CRIM1: variants seen among roughly 807,000 people sequenced by gnomAD.
CRIM1 encodes the protein cysteine rich transmembrane BMP regulator 1, also known as cysteine-rich motor neuron 1 protein.
CRIM1 carries 32 observed loss-of-function variants against 116.4 expected under a neutral mutation model. That is an observed-to-expected ratio of 0.27 (90% CI 0.21 to 0.37). CRIM1 has a LOEUF of 0.37. CRIM1 is among the 10% of genes least tolerant of loss of function. The probability of loss-of-function intolerance (pLI) is 1.00; values close to 1 mark genes in which losing one functional copy is unlikely to be tolerated. For missense variants in CRIM1, 1,331 were observed against 1,354.8 expected, an observed-to-expected ratio of 0.98 and a Z score of 0.28; for synonymous variants, 590 against 509.2, an observed-to-expected ratio of 1.16 and a Z score of -2.13.
intron 11 of CRIM1, among the ~76,000 whole-genome samples, chr2:36,516,131 T>A (rs938264679): frequency 6.6e-6 from 1 of 152,238 alleles, no homozygotes; most frequent in Non-Finnish European, 1.5e-5. Context: ...GTTGTTACCC[T>A]CTTAACTGGA....
intron 7 of CRIM1, among the ~76,000 whole-genome samples, chr2:36,480,888 GT>G (rs1324461540): frequency 6.6e-6 from 1 of 151,854 alleles, no homozygotes; most frequent in Non-Finnish European, 1.5e-5. Flanking sequence ...CAGCATTTCA[GT>G]GCTGAAAAAA....
intron 1 of CRIM1, among the ~76,000 whole-genome samples, chr2:36,382,604 C>T (rs1458666699): frequency 6.6e-6 from 1 of 152,198 alleles, no homozygotes; most frequent in Non-Finnish European, 1.5e-5. Flanking sequence ...TTGGGCCTGC[C>T]AGCCCAGGTG....
At chr2:36,415,041 G>A (rs1572680591) in intron 2 of CRIM1, among the ~76,000 whole-genome samples, 2 of 152,274 alleles carry the variant, frequency 1.3e-5, no homozygotes, top group East Asian at 3.9e-4. Context: ...GCCCAGCCAG[G>A]AGACTGCTAT....
At chr2:36,413,873 A>G (rs781203613) in intron 2 of CRIM1, among the ~76,000 whole-genome samples, 1 of 152,172 alleles carries the variant, frequency 6.6e-6, no homozygotes, top group Non-Finnish European at 1.5e-5. Flanking sequence ...TCATATGTCA[A>G]CCATATTGTC....
chr2:36,520,186 T>C (rs1665289785), intron 12 of CRIM1, among the ~76,000 whole-genome samples: 2 of 152,342 alleles, frequency 1.3e-5, no homozygotes, highest in East Asian at 1.9e-4. Flanking sequence ...CAGCGTATCC[T>C]GATGTCCTCT....
intron 13 of CRIM1, among the ~76,000 whole-genome samples, chr2:36,533,847 G>T (rs1011346329): frequency 3.9e-5 from 6 of 151,962 alleles, no homozygotes; most frequent in Non-Finnish European, 8.8e-5. Context: ...ACACATCATA[G>T]CCAGGTGCTT....
intron 6 of CRIM1, 132 bp downstream of exon 6, chr2:36,477,203 C>T: frequency 1.4e-6 from 1 of 698,288 alleles, no homozygotes; most frequent in Middle Eastern, 2.7e-4. Flanking sequence ...TTTTTTAAGA[C>T]ACCATGGTCT....
At chr2:36,462,703 A>T (rs553444567) in intron 4 of CRIM1, among the ~76,000 whole-genome samples, 46 of 152,332 alleles carry the variant, frequency 3.0e-4, no homozygotes, top group Admixed American at 3.0e-3. Context: ...ACATCTACAC[A>T]TTGGGGCCAG....
intron 2 of CRIM1, among the ~76,000 whole-genome samples, chr2:36,419,171 G>A (rs1673864523): frequency 6.6e-6 from 1 of 152,170 alleles, no homozygotes. Flanking sequence ...GGTGTCCTAA[G>A]GTTTAAAATT....
chr2:36,503,047 G>T (rs1312140842), intron 8 of CRIM1, among the ~76,000 whole-genome samples: 1 of 152,216 alleles, frequency 6.6e-6, no homozygotes, highest in African/African-American at 2.4e-5. Context: ...TAGACATACA[G>T]CATTCTGCTG....
At chr2:36,510,230 A>C (rs1157257109) in intron 9 of CRIM1, 91 bp downstream of exon 9, 14 of 1,269,372 alleles carry the variant, frequency 1.1e-5, no homozygotes, top group Admixed American at 7.8e-5. Flanking sequence ...TTTGTGAATT[A>C]ATCTATGGTA....
chr2:36,538,823 T>C (rs1384544063), intron 14 of CRIM1, among the ~76,000 whole-genome samples: 3 of 152,172 alleles, frequency 2.0e-5, no homozygotes, highest in Non-Finnish European at 4.4e-5. Context: ...AGAAAAAATA[T>C]ATGGTTTTCC....
chr2:36,540,746 G>T (rs1192134200), intron 14 of CRIM1, among the ~76,000 whole-genome samples: 2 of 152,204 alleles, frequency 1.3e-5, no homozygotes, highest in Admixed American at 1.3e-4. Flanking sequence ...TGTGCAGGAA[G>T]GACTAAAGCA....
chr2:36,388,722 G>A (rs1671354149), intron 1 of CRIM1, among the ~76,000 whole-genome samples: 1 of 152,150 alleles, frequency 6.6e-6, no homozygotes, highest in Admixed American at 6.6e-5. Flanking sequence ...AAGTAGGAGA[G>A]TTGTGTCCCG....
Position 36,356,712 on chromosome 2 carries a change from T to A in CRIM1, c.331+89T>A. On this transcript the variant is annotated intron_variant, in intron 1 of 16. Coordinates refer to ENST00000280527, the MANE Select transcript of CRIM1 (RefSeq NM_016441.3). This position sits in a 1 kb window ranked among gnomAD's most constrained non-coding sequence, Gnocchi z 4.3. ...GCCGAACAAAGTTTGGGCGAGACTT[T>A]CTGGAGGAAAGAGGGCTCTGCGGGA... 1 of 1,332,168 alleles carries A rather than the reference T, an allele frequency of 7.5e-7. No individual in the cohort carries two copies. Among genetic ancestry groups the A allele is most frequent in the Non-Finnish European group, 1.0e-6 (1 of 982,656 alleles). 82.5% of individuals were successfully genotyped at this position (1,332,168 alleles called of 1,614,324 possible).
At chr2:36,514,682 T>C (rs1435972906) in intron 11 of CRIM1, among the ~76,000 whole-genome samples, 1 of 152,152 alleles carries the variant, frequency 6.6e-6, no homozygotes, top group Non-Finnish European at 1.5e-5. Flanking sequence ...GTCCAGGTCC[T>C]GTATCTCCCT....
chr2:36,376,919 C>G (rs991308925), intron 1 of CRIM1, among the ~76,000 whole-genome samples: 10 of 152,140 alleles, frequency 6.6e-5, no homozygotes, highest in African/African-American at 2.2e-4. Context: ...GAGTTTGTGA[C>G]CCCCATGTGT....
At chr2:36,467,463 A>C (rs1394533502) in intron 5 of CRIM1, among the ~76,000 whole-genome samples, 1 of 152,160 alleles carries the variant, frequency 6.6e-6, no homozygotes, top group Non-Finnish European at 1.5e-5. Flanking sequence ...TCCTGGAAAA[A>C]TCTGTTGTTG....
At chr2:36,366,718 A>G (rs1433943721) in intron 1 of CRIM1, among the ~76,000 whole-genome samples, 2 of 152,248 alleles carry the variant, frequency 1.3e-5, no homozygotes, top group African/African-American at 2.4e-5. Context: ...ACAAGAGGTA[A>G]CTTATTTAGC....
Sources: gnomAD v4.1 joint callset for allele counts (sites outside exome capture counted in the v4.1 genomes callset) on GRCh38, gnomAD v4.1.1 for gene constraint, Gnocchi (gnomAD v3.1) non-coding constraint, MANE v1.5 for transcripts, NCBI Gene and HGNC (gene_info 2026-07-23, HGNC 2026-07-21) for gene names.